Variants in CCDC171 observed in about 807,000 individuals in gnomAD.
CCDC171 encodes the protein coiled-coil domain-containing protein 171.
CCDC171 carries 177 observed loss-of-function variants against 168.2 expected under a neutral mutation model. The ratio of observed to expected loss-of-function variants is 1.05; its 90% CI spans 0.93 to 1.19. The LOEUF (loss-of-function observed/expected upper bound fraction) is 1.19. CCDC171 is among the 50% of genes most tolerant of loss of function. CCDC171 has a pLI of 0.00. For synonymous variants in CCDC171, 687 were observed against 540.8 expected (o/e 1.27, Z -3.75); for missense variants, 1,991 against 1,539.0 (o/e 1.29, Z -4.91).
At chr9:15,952,616 T>C (rs62546633) in intron 25 of CCDC171, among the ~76,000 whole-genome samples, 5,145 of 152,152 alleles carry the variant, frequency 0.034, 119 homozygotes, top group South Asian at 0.071. Flanking sequence ...AGGCTGGTCT[T>C]GAACTCCCAA....
intron 6 of CCDC171, among the ~76,000 whole-genome samples, chr9:16,033,084 C>T (rs780951030): frequency 4.8e-4 from 73 of 152,174 alleles, no homozygotes; most frequent in Non-Finnish European, 9.3e-4. Context: ...ACTGAGGGAA[C>T]TGGAGCTGGA....
intron 16 of CCDC171, among the ~76,000 whole-genome samples, chr9:15,730,819 C>G (rs908468742): frequency 1.3e-5 from 2 of 151,914 alleles, no homozygotes; most frequent in African/African-American, 4.8e-5. Flanking sequence ...ATATTATATG[C>G]TCTGCATTTT....
intron 9 of CCDC171, among the ~76,000 whole-genome samples, chr9:15,671,790 G>C (rs2049133086): frequency 6.6e-6 from 1 of 152,098 alleles, no homozygotes; most frequent in South Asian, 2.1e-4. Flanking sequence ...CCAAGTCTTT[G>C]TGAATAGTGC....
chr9:15,625,225 C>T (rs1253271545), intron 7 of CCDC171, among the ~76,000 whole-genome samples: 3 of 152,136 alleles, frequency 2.0e-5, no homozygotes, highest in Non-Finnish European at 4.4e-5. Flanking sequence ...AGCCTTTTGT[C>T]AGATGGGTAG....
chr9:16,064,747 A>T (rs140148456), downstream of CCDC171, among the ~76,000 whole-genome samples: 42 of 152,322 alleles, frequency 2.8e-4, 1 homozygote, highest in East Asian at 7.9e-3. Context: ...GGTAATGGAG[A>T]CCATGCCACT....
chr9:15,700,570 G>A (rs1260098130), intron 11 of CCDC171, among the ~76,000 whole-genome samples: 1 of 152,248 alleles, frequency 6.6e-6, no homozygotes, highest in African/African-American at 2.4e-5. Context: ...GAGCAAGCGA[G>A]GGCTGTGAGG....
At chr9:15,643,162 G>C (rs1329852574) in intron 7 of CCDC171, among the ~76,000 whole-genome samples, 1 of 151,892 alleles carries the variant, frequency 6.6e-6, no homozygotes, top group Non-Finnish European at 1.5e-5. Context: ...TTGGTCCTTT[G>C]CTAGCTTTTA....
intron 9 of CCDC171, among the ~76,000 whole-genome samples, chr9:15,670,960 C>T (rs1203917116): frequency 4.6e-5 from 7 of 151,780 alleles, no homozygotes; most frequent in East Asian, 1.9e-4. Context: ...CTTTTGGTGG[C>T]GCATGTTTGT....
At chr9:16,065,293 C>CTGGCTGGCTGTGTG (rs1833979089), downstream of CCDC171, among the ~76,000 whole-genome samples, 1 of 152,142 alleles carries the variant, frequency 6.6e-6, no homozygotes, top group Non-Finnish European at 1.5e-5. Flanking sequence ...GCCCAGAGAG[C>CTGGCTGGCTGTGTG]TGGCTGGCTG....
At chr9:15,595,800 T>C (rs199819645) in intron 6 of CCDC171, among the ~76,000 whole-genome samples, 4 of 152,090 alleles carry the variant, frequency 2.6e-5, no homozygotes, top group South Asian at 4.1e-4. Context: ...ACATCCTCTC[T>C]AGCACCTGTT....
intron 1 of CCDC171, among the ~76,000 whole-genome samples, chr9:16,057,811 ACT>A (rs1471139163): frequency 1.3e-5 from 2 of 152,028 alleles, no homozygotes; most frequent in Non-Finnish European, 2.9e-5. Flanking sequence ...TCCTGGATCC[ACT>A]CAGGCACAGT....
the CCDC171 span, among the ~76,000 whole-genome samples, chr9:16,089,406 C>G: frequency 6.6e-6 from 1 of 151,862 alleles, no homozygotes; most frequent in Non-Finnish European, 1.5e-5. Flanking sequence ...TCAATTTTGG[C>G]TTTTGTTGCC....
At chr9:15,688,708 C>G (rs1482133004) in intron 10 of CCDC171, among the ~76,000 whole-genome samples, 3 of 152,104 alleles carry the variant, frequency 2.0e-5, no homozygotes, top group Non-Finnish European at 4.4e-5. Context: ...CCTCCTCAAC[C>G]TCAAGAAGAG....
chr9:15,744,616 T>TA lies in CCDC171; in HGVS notation c.2394dup (p.Arg799ThrfsTer51), dbSNP rs1482316534. 2 of 1,614,046 alleles carry TA rather than the reference T, an allele frequency of 1.2e-6. No individual in the cohort carries two copies. The highest frequency in any genetic ancestry group is 1.1e-5 in the South Asian group (1 of 91,090). On this transcript the variant is annotated frameshift_variant, in exon 17 of 26. Coordinates refer to ENST00000380701, the MANE Select transcript of CCDC171 (RefSeq NM_173550.4). LOFTEE classifies it high-confidence loss of function. ...AAAAAGAAAACATTCAAAGGATTGATACGTATATTTCGGAAAGGTGTTATT... is the reference window on the plus strand; with the variant it reads ...AAAAAGAAAACATTCAAAGGATTGATAACGTATATTTCGGAAAGGTGTTATT...
chr9:15,794,825 C>A (rs992617688), intron 21 of CCDC171, among the ~76,000 whole-genome samples: 2 of 152,114 alleles, frequency 1.3e-5, no homozygotes, highest in Non-Finnish European at 2.9e-5. Context: ...CCAATGTAGT[C>A]GTGATGATTT....
intron 25 of CCDC171, among the ~76,000 whole-genome samples, chr9:15,959,757 G>A (rs1830163697): frequency 6.6e-6 from 1 of 152,120 alleles, no homozygotes; most frequent in Admixed American, 6.6e-5. Flanking sequence ...GATGTGAAGT[G>A]GAGAGAACGA....
At chr9:15,666,387 A>G (rs1011695553) in intron 9 of CCDC171, 64 bp downstream of exon 9, 1 of 1,141,474 alleles carries the variant, frequency 8.8e-7, no homozygotes, top group East Asian at 2.6e-5. Context: ...TATATAAAAT[A>G]TGAATGTATA....
intron 24 of CCDC171, chr9:15,883,206 T>A (rs1267183334): frequency 5.5e-6 from 1 of 183,148 alleles, no homozygotes; most frequent in Non-Finnish European, 1.2e-5. Flanking sequence ...TATTTTTAAT[T>A]TTTTGTAGAT....
intron 21 of CCDC171, among the ~76,000 whole-genome samples, chr9:15,828,413 C>T (rs1171398215): frequency 6.6e-6 from 1 of 151,356 alleles, no homozygotes; most frequent in Non-Finnish European, 1.5e-5. Context: ...AGTGCCCATA[C>T]ATATTAGGTG....
Sources: allele counts gnomAD v4.1 joint callset (sites outside exome capture counted in the v4.1 genomes callset), GRCh38; gene constraint gnomAD v4.1.1; transcripts MANE v1.5; gene names NCBI Gene and HGNC (gene_info 2026-07-23, HGNC 2026-07-21).